Variants in RPGRIP1 observed in about 807,000 individuals in gnomAD.
The protein encoded by RPGRIP1 is X-linked retinitis pigmentosa GTPase regulator-interacting protein 1.
In RPGRIP1, 128 loss-of-function variants were observed where a neutral mutation model predicts 157.9. The ratio of observed to expected loss-of-function variants is 0.81; its 90% CI spans 0.70 to 0.94. The LOEUF (loss-of-function observed/expected upper bound fraction) is 0.94. Ranked by LOEUF, RPGRIP1 falls within the 40% of genes least tolerant of loss-of-function variation. The probability of loss-of-function intolerance (pLI) is 0.00; values close to 1 mark genes in which losing one functional copy is unlikely to be tolerated. For missense variants in RPGRIP1, 1,486 were observed against 1,545.8 expected (o/e 0.96, Z 0.65); for synonymous variants, 554 against 571.6 (o/e 0.97, Z 0.44).
At chr14:21,336,759 G>A (rs191229977) in intron 21 of RPGRIP1, among the ~76,000 whole-genome samples, 8 of 152,242 alleles carry the variant, frequency 5.3e-5, no homozygotes, top group Non-Finnish European at 2.9e-5. Flanking sequence ...CTCCAGTTGA[G>A]GTTTTTAAAC....
chr14:21,286,081 C>T (rs1880287751), intron 1 of RPGRIP1, among the ~76,000 whole-genome samples: 1 of 152,048 alleles, frequency 6.6e-6, no homozygotes, highest in Non-Finnish European at 1.5e-5. Context: ...CCTCCGCCTT[C>T]CAGGTTCAAG....
intron 24 of RPGRIP1, among the ~76,000 whole-genome samples, chr14:21,350,638 G>A (rs1242534574): frequency 1.3e-5 from 2 of 152,124 alleles, no homozygotes; most frequent in African/African-American, 2.4e-5. Context: ...GGGAATAACA[G>A]CAGTCTCTAT....
Position 21,281,884 on chromosome 14 carries a change from G to A in RPGRIP1, c.-39+1725G>A, listed in dbSNP as rs564975670. ...CCGAGGCTGGCGGATCCCAAGGTCC[G>A]GAGTTCGAGACCAGCCTGGCCAAAA... On this transcript the variant is annotated intron_variant, in intron 1 of 24. Transcript: ENST00000400017. Among the ~76,000 whole-genome samples the A allele has an allele frequency of 2.4e-4, 36 of 151,752 alleles. No homozygotes were observed. In the East Asian group the frequency reaches 2.9e-3, roughly 12 times the overall value.
In RPGRIP1 at chr14:21,330,350, A is replaced by G. The variant is rs1883608362; in HGVS notation, c.3201A>G (p.Ser1067=). 1.9e-6 allele frequency: 3 copies of G among 1,574,006 alleles called. No homozygotes were observed. Among genetic ancestry groups the G allele is most frequent in the Non-Finnish European group, 1.7e-6 (2 of 1,164,580 alleles). Residue 1067 remains serine (S), a synonymous_variant, in exon 20 of 25, where the codon TCA becomes TCG. Coordinates refer to ENST00000400017, the MANE Select transcript of RPGRIP1 (RefSeq NM_020366.4). ...HEEEEMTLSH[S]ALKQKEPLHP... ...AAGAGGAAATGACATTATCCCATTC[A>G]GCACTGAAACAGAAGGAACCTCTAC...
chr14:21,283,396 G>A (rs1880199625), intron 1 of RPGRIP1, among the ~76,000 whole-genome samples: 2 of 151,678 alleles, frequency 1.3e-5, no homozygotes, highest in Non-Finnish European at 2.9e-5. Flanking sequence ...TCCGCCTCCT[G>A]TGCTCAAGCG....
intron 20 of RPGRIP1, among the ~76,000 whole-genome samples, chr14:21,332,705 T>C (rs1234638603): frequency 6.6e-6 from 1 of 152,210 alleles, no homozygotes; most frequent in African/African-American, 2.4e-5. Context: ...AAACCTCATG[T>C]ACTATATGGT....
At chr14:21,295,478 ATTTT>A (rs11342361) in intron 3 of RPGRIP1, among the ~76,000 whole-genome samples, 2 of 116,556 alleles carry the variant, frequency 1.7e-5, no homozygotes, top group African/African-American at 3.2e-5. Flanking sequence ...TATTTTTGAG[ATTTT>A]TTTTTTTTTT....
chr14:21,304,313 CA>C lies in RPGRIP1; in HGVS notation c.800+784del, dbSNP rs760147376. On this transcript the variant is annotated intron_variant, in intron 6 of 24. Coordinates refer to ENST00000400017, the MANE Select transcript of RPGRIP1 (RefSeq NM_020366.4). Reference sequence around the variant, plus strand: ...CTGGGCAACAAGAGCAAAACTCTGTCAAAAAAAAAAAAAAGAGGAAAGAAGG... The same window carrying C: ...CTGGGCAACAAGAGCAAAACTCTGTCAAAAAAAAAAAAAGAGGAAAGAAGG... Among the ~76,000 whole-genome samples, 110 of 41,278 alleles carry C rather than the reference CA, an allele frequency of 2.7e-3. 1 individual carries two copies. The highest frequency in any genetic ancestry group is 0.01 in the East Asian group (13 of 1,252). The allele number at this position is 41,278 out of a possible 152,430, so 27.1% of individuals were successfully genotyped here. A position where few individuals can be genotyped will look rare whatever the true frequency, so the allele number is the denominator to read the frequency against.
intron 1 of RPGRIP1, among the ~76,000 whole-genome samples, chr14:21,285,546 A>G (rs1449157441): frequency 6.6e-6 from 1 of 151,074 alleles, no homozygotes; most frequent in Non-Finnish European, 1.5e-5. Flanking sequence ...TGGAGGTTAC[A>G]GTGAGCTGAG....
chr14:21,350,966 C>CCTTT, intron 24 of RPGRIP1, 138 bp from the exon 25 acceptor site: 1 of 575,396 alleles, frequency 1.7e-6, no homozygotes, highest in East Asian at 2.8e-5. Flanking sequence ...ATACCATTTT[C>CCTTT]CTTTCTCCTT....
At chr14:21,324,179 G>A in intron 14 of RPGRIP1, 1 of 229,102 alleles carries the variant, frequency 4.4e-6, no homozygotes, top group South Asian at 6.1e-5. Flanking sequence ...GGGACTCAAT[G>A]TAATGTCATA....
intron 10 of RPGRIP1, among the ~76,000 whole-genome samples, chr14:21,315,803 A>ATTTTTT (rs368539913): frequency 6.8e-6 from 1 of 147,332 alleles, no homozygotes; most frequent in African/African-American, 2.5e-5. Flanking sequence ...TATTATTATT[A>ATTTTTT]TTATTTTTTT....
chr14:21,325,895 T>C lies in RPGRIP1; in HGVS notation c.2432T>C (p.Leu811Pro). The change falls in exon 17 of 25, where the codon CTC becomes CCC. Residue 811 changes from leucine to proline, a missense_variant. Coordinates refer to ENST00000400017, the MANE Select transcript of RPGRIP1 (RefSeq NM_020366.4). ...ATTGAAATCACCAAGTGCTGTGGCC[T>C]CCGGAGTCGATGGCTGGGAACTCAA... is the stretch of plus-strand genomic sequence containing the variant. Reference protein sequence around the residue: ...LWIEITKCCGLRSRWLGTQPS... With the variant: ...LWIEITKCCGPRSRWLGTQPS... 1 of 1,613,946 alleles carries C rather than the reference T, an allele frequency of 6.2e-7. No individual in the cohort carries two copies. The highest frequency in any genetic ancestry group is 8.5e-7 in the Non-Finnish European group (1 of 1,179,868).
At chr14:21,321,709 C>T in intron 13 of RPGRIP1, 145 bp from the exon 14 acceptor site, 1 of 926,638 alleles carries the variant, frequency 1.1e-6, no homozygotes, top group African/African-American at 1.7e-5. Flanking sequence ...TTGGAGGGGT[C>T]TGCAAGGAAA....
chr14:21,280,636 C>G (rs1880093530), intron 1 of RPGRIP1, among the ~76,000 whole-genome samples: 1 of 152,162 alleles, frequency 6.6e-6, no homozygotes, highest in Non-Finnish European at 1.5e-5. Flanking sequence ...CCTCTTAACT[C>G]TATCTCACGT....
intron 3 of RPGRIP1, among the ~76,000 whole-genome samples, chr14:21,299,465 G>A (rs1315313584): frequency 1.3e-5 from 2 of 151,984 alleles, no homozygotes; most frequent in East Asian, 3.9e-4. Context: ...CTGGCTTTGG[G>A]CAAGTTACAT....
chr14:21,347,623 A>G (rs185375531), intron 23 of RPGRIP1, among the ~76,000 whole-genome samples: 1 of 152,370 alleles, frequency 6.6e-6, no homozygotes. Context: ...TAATAAAAAT[A>G]TGAAAAATCA....
intron 2 of RPGRIP1, among the ~76,000 whole-genome samples, chr14:21,292,327 T>TA (rs1265259402): frequency 2.0e-5 from 3 of 152,068 alleles, no homozygotes; most frequent in Non-Finnish European, 4.4e-5. Context: ...TGTATTTTTT[T>TA]TTTTCATTCT....
chr14:21,292,155 G>A (rs751648321), intron 2 of RPGRIP1, among the ~76,000 whole-genome samples: 12 of 152,262 alleles, frequency 7.9e-5, no homozygotes, highest in East Asian at 1.9e-4. Flanking sequence ...GCCTTCCAAA[G>A]TGTTGATATC....
Sources: allele counts gnomAD v4.1 joint callset (sites outside exome capture counted in the v4.1 genomes callset), GRCh38; gene constraint gnomAD v4.1.1; transcripts MANE v1.5; gene names NCBI Gene and HGNC (gene_info 2026-07-23, HGNC 2026-07-21).